DNAH9: variants seen among roughly 807,000 people sequenced by gnomAD.
The protein encoded by DNAH9 is dynein axonemal heavy chain 9.
Under a neutral mutation model 471.6 loss-of-function variants are expected in DNAH9, and 345 were observed. The ratio of observed to expected loss-of-function variants is 0.73; its 90% confidence interval spans 0.67 to 0.80. The LOEUF (loss-of-function observed/expected upper bound fraction) is 0.80. Ranked by LOEUF, DNAH9 falls within the 30% of genes least tolerant of loss-of-function variation. DNAH9 has a pLI of 0.00. For synonymous variants in DNAH9, 2,093 were observed against 2,123.6 expected (o/e 0.99, Z 0.40); for missense variants, 5,407 against 5,609.2 (o/e 0.96, Z 1.15).
At chr17:11,721,204 T>C (rs562321873) in intron 27 of DNAH9, among the ~76,000 whole-genome samples, 1 of 152,336 alleles carries the variant, frequency 6.6e-6, no homozygotes, top group African/African-American at 2.4e-5. Flanking sequence ...CACTGAACCC[T>C]AACCCCACCA....
At chr17:11,855,387 G>C (rs532864354) in intron 50 of DNAH9, among the ~76,000 whole-genome samples, 2 of 152,174 alleles carry the variant, frequency 1.3e-5, no homozygotes, top group Non-Finnish European at 2.9e-5. Context: ...TGTACAGCTT[G>C]TTTCACTTCC....
At chr17:11,666,314 G>T (rs1216066219) in intron 15 of DNAH9, among the ~76,000 whole-genome samples, 2 of 152,166 alleles carry the variant, frequency 1.3e-5, no homozygotes, top group Non-Finnish European at 2.9e-5. Flanking sequence ...TAGAAGTGGT[G>T]CCTAAATGAC....
At chr17:11,647,344 C>T (rs1369638541) in intron 12 of DNAH9, 146 bp downstream of exon 12, 14 of 729,128 alleles carry the variant, frequency 1.9e-5, no homozygotes, top group East Asian at 2.7e-5. Context: ...GCGATCTCAG[C>T]TCACTACAAC....
chr17:11,694,287 C>G, intron 21 of DNAH9, 34 bp from the exon 22 acceptor site: 1 of 1,612,374 alleles, frequency 6.2e-7, no homozygotes, highest in Non-Finnish European at 8.5e-7. Flanking sequence ...TCTAGACATT[C>G]TTAACTGGGA....
At chr17:11,620,397 C>T (rs2072832474) in intron 6 of DNAH9, among the ~76,000 whole-genome samples, 1 of 151,770 alleles carries the variant, frequency 6.6e-6, no homozygotes, top group Admixed American at 6.6e-5. Context: ...CCTGTAATCC[C>T]AGCTACTCGG....
intron 19 of DNAH9, among the ~76,000 whole-genome samples, chr17:11,684,072 G>T (rs1045538182): frequency 3.9e-5 from 6 of 152,090 alleles, no homozygotes; most frequent in African/African-American, 1.2e-4. Context: ...GCAGGCCCTG[G>T]TATATTTTTC....
intron 37 of DNAH9, among the ~76,000 whole-genome samples, chr17:11,768,870 G>A (rs1968080450): frequency 6.6e-6 from 1 of 152,140 alleles, no homozygotes; most frequent in Non-Finnish European, 1.5e-5. Context: ...ATGCATTAGA[G>A]AGGCCACAGA....
At chr17:11,634,222 G>A (rs1011825720) in intron 8 of DNAH9, among the ~76,000 whole-genome samples, 6 of 152,232 alleles carry the variant, frequency 3.9e-5, no homozygotes, top group African/African-American at 1.4e-4. Flanking sequence ...ATAACCCTCC[G>A]ATCCCTTCTG....
rs777141718 is a variant in DNAH9, at chr17:11,727,940, G to A, written c.5814+18G>A. ...CAGTGCAGGTAAGGGCCAGAAGTTG[G>A]TGGGAGCCTTGTGGTCTTCATATTG... On this transcript the variant is annotated intron_variant, in intron 28 of 68. Coordinates refer to ENST00000262442, the MANE Select transcript of DNAH9 (RefSeq NM_001372.4). 1 of 1,541,692 alleles carries A rather than the reference G, an allele frequency of 6.5e-7. No homozygotes were observed. Among genetic ancestry groups the A allele is most frequent in the Admixed American group, 1.7e-5 (1 of 59,924 alleles).
At chr17:11,950,600 G>A (rs145188359) in intron 67 of DNAH9, among the ~76,000 whole-genome samples, 1 of 152,240 alleles carries the variant, frequency 6.6e-6, no homozygotes, top group East Asian at 1.9e-4. Context: ...AACTACTGGT[G>A]TGAAACGATC....
intron 38 of DNAH9, among the ~76,000 whole-genome samples, chr17:11,769,651 C>T (rs1025371924): frequency 6.6e-5 from 10 of 152,220 alleles, no homozygotes; most frequent in Non-Finnish European, 1.5e-4. Context: ...TTTGCAAGAA[C>T]TTGCAGACTT....
intron 1 of DNAH9, among the ~76,000 whole-genome samples, chr17:11,599,468 C>CTCAT (rs2072338139): frequency 6.6e-6 from 1 of 152,146 alleles, no homozygotes; most frequent in African/African-American, 2.4e-5. Context: ...TGATTTTCAT[C>CTCAT]TCATTCATTC....
intron 49 of DNAH9, among the ~76,000 whole-genome samples, chr17:11,853,025 T>C (rs1971487651): frequency 6.6e-6 from 1 of 151,366 alleles, no homozygotes; most frequent in Admixed American, 6.6e-5. Context: ...TTTCAGCAAA[T>C]GCCTGAATGG....
At chr17:11,740,386 C>T (rs1379759429) in intron 29 of DNAH9, among the ~76,000 whole-genome samples, 1 of 152,168 alleles carries the variant, frequency 6.6e-6, no homozygotes, top group African/African-American at 2.4e-5. Flanking sequence ...AGTTCAAAAG[C>T]AGGGTGCCAG....
At chr17:11,907,072 A>G (rs1372097760) in intron 61 of DNAH9, among the ~76,000 whole-genome samples, 1 of 152,222 alleles carries the variant, frequency 6.6e-6, no homozygotes, top group Non-Finnish European at 1.5e-5. Context: ...CCAAAAAAAC[A>G]AAAATGATAA....
At position 11,720,920 on chromosome 17, in the gene DNAH9, T is replaced by C. The variant is rs989536291; in HGVS notation, c.5709+1430T>C. Among the ~76,000 whole-genome samples the C allele has an allele frequency of 2.0e-5, 3 of 152,134 alleles. 1 individual carries two copies. The highest frequency in any genetic ancestry group is 7.2e-5 in the African/African-American group (3 of 41,426). On this transcript the variant is annotated intron_variant, in intron 27 of 68. Transcript: ENST00000262442. ...GCTGGAACAGAAAGGTGGAGTTTTC[T>C]CCCCCCTTTATAGAAATGACCTCAG...
Position 11,679,949 on chromosome 17 carries a change from A to T in DNAH9, c.3546A>T (p.Glu1182Asp). 1 of 1,614,102 alleles carries T rather than the reference A, an allele frequency of 6.2e-7. No individual in the cohort carries two copies. Among genetic ancestry groups the T allele is most frequent in the Non-Finnish European group, 8.5e-7 (1 of 1,179,964 alleles). Residue 1182 changes from glutamate to aspartate, a missense_variant, in exon 18 of 69, where the codon GAA becomes GAT. This residue lies in a region of DNAH9 where 4,636 missense variants were observed against 4,900.3 expected (regional missense o/e 0.95). Transcript: ENST00000262442. ...TIELLKTYEQ[E>D]LPETVFKQLE... ...AATTGCTGAAGACCTATGAACAAGAATTGCCAGAAACAGTGTTTAAGCAGC... is the reference window on the plus strand; with the variant it reads ...AATTGCTGAAGACCTATGAACAAGATTTGCCAGAAACAGTGTTTAAGCAGC...
At chr17:11,723,742 A>G (rs1282859892) in intron 27 of DNAH9, among the ~76,000 whole-genome samples, 1 of 151,560 alleles carries the variant, frequency 6.6e-6, no homozygotes. Flanking sequence ...ATCTCAGCTC[A>G]CTGCAAGCTC....
intron 19 of DNAH9, among the ~76,000 whole-genome samples, chr17:11,684,626 C>T (rs558215137): frequency 1.1e-3 from 166 of 152,218 alleles, no homozygotes; most frequent in Middle Eastern, 6.8e-3. Flanking sequence ...CCAAGGTAAT[C>T]GAGGGATTAC....
Sources: gnomAD v4.1 joint callset for allele counts (sites outside exome capture counted in the v4.1 genomes callset) on GRCh38, gnomAD v4.1.1 for gene constraint, gnomAD v4.1.1 regional missense constraint, MANE v1.5 for transcripts, NCBI Gene and HGNC (gene_info 2026-07-23, HGNC 2026-07-21) for gene names.